The following CNBD1 variants were observed in gnomAD, a reference collection of about 807,000 sequenced individuals.
CNBD1 encodes the protein cyclic nucleotide-binding domain-containing protein 1.
A neutral mutation model predicts 54.4 loss-of-function variants in CNBD1; 71 were observed. The ratio of observed to expected loss-of-function variants is 1.30; its 90% CI spans 1.08 to 1.59. The LOEUF is 1.59. CNBD1 is among the 40% of genes most tolerant of loss of function. The pLI is 0.00. For synonymous variants in CNBD1, 182 were observed against 170.7 expected, an observed-to-expected ratio of 1.07 and a Z score of -0.51; for missense variants, 659 against 518.0, an observed-to-expected ratio of 1.27 and a Z score of -2.64.
intron 3 of CNBD1, among the ~76,000 whole-genome samples, chr8:86,915,135 G>T (rs553043619): frequency 6.6e-6 from 1 of 152,216 alleles, no homozygotes; most frequent in Non-Finnish European, 1.5e-5. Flanking sequence ...GGAAATGAGT[G>T]CTTGCTACTG....
intron 6 of CNBD1, among the ~76,000 whole-genome samples, chr8:87,264,153 C>G (rs1231441168): frequency 6.6e-6 from 1 of 152,140 alleles, no homozygotes; most frequent in Non-Finnish European, 1.5e-5. Context: ...CCCTCTCCCC[C>G]CACCCCACAA....
chr8:87,408,363 A>G (rs1308531314), intron 2 of CNBD1, among the ~76,000 whole-genome samples: 1 of 151,706 alleles, frequency 6.6e-6, no homozygotes, highest in Non-Finnish European at 1.5e-5. Context: ...CAAGTTCTTC[A>G]TTTCTGTTGC....
intron 4 of CNBD1, among the ~76,000 whole-genome samples, chr8:87,105,843 C>T (rs1811523744): frequency 6.6e-6 from 1 of 151,886 alleles, no homozygotes; most frequent in South Asian, 2.1e-4. Context: ...GAGAGGAGGT[C>T]TCGGTATCTT....
In CNBD1 at chr8:87,286,649, GA is replaced by G. The variant is rs747458334; in HGVS notation, c.1026del (p.Lys342AsnfsTer7). 1.3e-6 allele frequency: 2 copies of G among 1,541,942 alleles called. No homozygotes were observed. Among genetic ancestry groups the G allele is most frequent in the Non-Finnish European group, 1.8e-6 (2 of 1,140,086 alleles). On this transcript the variant is annotated frameshift_variant, in exon 8 of 11. Coordinates refer to ENST00000518476, the MANE Select transcript of CNBD1 (RefSeq NM_173538.3). LOFTEE classifies it high-confidence loss of function. ...ATGAGCTAATTGCACTCCTTAAATG[GA>G]AAAAATTTCCTCCAGGTCATGGTAA... ...IYELIALLKW[K>X]KFPPGHVIVE... is the part of the protein sequence containing the mutation.
At chr8:86,952,945 G>A (rs2130451358) in intron 4 of CNBD1, among the ~76,000 whole-genome samples, 1 of 152,244 alleles carries the variant, frequency 6.6e-6, no homozygotes. Flanking sequence ...TATATTTTGG[G>A]AGGGAATTAA....
intron 3 of CNBD1, among the ~76,000 whole-genome samples, chr8:86,916,643 G>GT (rs931945211): frequency 2.0e-5 from 3 of 151,864 alleles, no homozygotes; most frequent in Non-Finnish European, 4.4e-5. Flanking sequence ...CTAGTTTCAG[G>GT]TTTTTTTCTA....
chr8:87,111,441 G>A (rs2130704539), intron 4 of CNBD1, among the ~76,000 whole-genome samples: 1 of 152,254 alleles, frequency 6.6e-6, no homozygotes, highest in South Asian at 2.1e-4. Flanking sequence ...AAATATGTAG[G>A]TATTCCCCTT....
intron 4 of CNBD1, among the ~76,000 whole-genome samples, chr8:87,152,693 C>A (rs546193616): frequency 6.6e-6 from 1 of 152,212 alleles, no homozygotes; most frequent in African/African-American, 2.4e-5. Context: ...TCCATCCTCA[C>A]ATGTGTTTCA....
chr8:86,975,988 T>G (rs961161499), intron 4 of CNBD1, among the ~76,000 whole-genome samples: 105 of 152,072 alleles, frequency 6.9e-4, no homozygotes, highest in African/African-American at 2.5e-3. Flanking sequence ...TTAGTAATGC[T>G]GAATATTTTT....
chr8:87,049,662 T>A (rs532980719), intron 4 of CNBD1, among the ~76,000 whole-genome samples: 8 of 152,324 alleles, frequency 5.3e-5, no homozygotes, highest in Non-Finnish European at 7.4e-5. Context: ...ATGTTCAGGT[T>A]CTCTGGTTTC....
At chr8:87,348,228 A>G (rs1467505602) in intron 8 of CNBD1, among the ~76,000 whole-genome samples, 1 of 152,156 alleles carries the variant, frequency 6.6e-6, no homozygotes, top group African/African-American at 2.4e-5. Flanking sequence ...ACTTATCTTT[A>G]AGAATTTGCT....
At chr8:87,164,740 A>T (rs1812926887) in intron 4 of CNBD1, among the ~76,000 whole-genome samples, 1 of 150,774 alleles carries the variant, frequency 6.6e-6, no homozygotes, top group South Asian at 2.1e-4. Context: ...TCCTACTTTC[A>T]TTGCTTTTTT....
At chr8:87,299,472 C>G (rs1290670491) in intron 8 of CNBD1, among the ~76,000 whole-genome samples, 1 of 152,218 alleles carries the variant, frequency 6.6e-6, no homozygotes, top group African/African-American at 2.4e-5. Context: ...ATTCCATCTT[C>G]TCCTCCTGTT....
intron 4 of CNBD1, among the ~76,000 whole-genome samples, chr8:87,082,445 A>G (rs1811016250): frequency 6.6e-6 from 1 of 152,206 alleles, no homozygotes; most frequent in Non-Finnish European, 1.5e-5. Context: ...GATGTGCATG[A>G]CACTGATCAC....
At position 87,166,793 on chromosome 8, in the gene CNBD1, G is replaced by A. The variant is rs1057059862; in HGVS notation, c.432-39200G>A. Among the ~76,000 whole-genome samples, 1 of 151,828 alleles carries A rather than the reference G, an allele frequency of 6.6e-6. No homozygotes were observed. The highest frequency in any genetic ancestry group is 1.5e-5 in the Non-Finnish European group (1 of 67,916). ...TTACCCTTGCATTTCTCTGAGAGAT[G>A]CCTGCTATGAACACCCTATGTCAGG... On this transcript the variant is annotated intron_variant, in intron 4 of 10. Coordinates refer to ENST00000518476, the MANE Select transcript of CNBD1 (RefSeq NM_173538.3). This position sits in a 1 kb window ranked among gnomAD's most constrained non-coding sequence, Gnocchi z 4.3.
chr8:87,111,250 C>A (rs1362396053), intron 4 of CNBD1, among the ~76,000 whole-genome samples: 3 of 152,184 alleles, frequency 2.0e-5, no homozygotes, highest in Non-Finnish European at 4.4e-5. Context: ...ATGTCCATCC[C>A]ATCTGTACAT....
downstream of CNBD1, among the ~76,000 whole-genome samples, chr8:87,386,820 T>G (rs141663799): frequency 9.7e-3 from 1,478 of 152,122 alleles, 20 homozygotes; most frequent in African/African-American, 0.033. Context: ...TTCAACAAAG[T>G]TGAAATGAAG....
intron 2 of CNBD1, among the ~76,000 whole-genome samples, chr8:87,391,653 T>A (rs1251367245): frequency 6.6e-6 from 1 of 152,016 alleles, no homozygotes; most frequent in South Asian, 2.1e-4. Context: ...AAGACTGAAG[T>A]TGGATCCACA....
At chr8:87,349,195 A>C (rs1015424895) in intron 8 of CNBD1, among the ~76,000 whole-genome samples, 1 of 152,116 alleles carries the variant, frequency 6.6e-6, no homozygotes, top group African/African-American at 2.4e-5. Flanking sequence ...TATATAAGGG[A>C]GGAGGAAAGG....
Sources: gnomAD v4.1 joint callset for allele counts (sites outside exome capture counted in the v4.1 genomes callset) on GRCh38, gnomAD v4.1.1 for gene constraint, Gnocchi (gnomAD v3.1) non-coding constraint, MANE v1.5 for transcripts, NCBI Gene and HGNC (gene_info 2026-07-23, HGNC 2026-07-21) for gene names.